Variants in BCAN observed in about 807,000 individuals in gnomAD.
The protein encoded by BCAN is brevican core protein.
Under a neutral mutation model 92.4 loss-of-function variants are expected in BCAN, and 51 were observed. The ratio of observed to expected loss-of-function variants is 0.55; its 90% CI spans 0.44 to 0.70. The LOEUF (loss-of-function observed/expected upper bound fraction) is 0.70, where lower values mean the gene tolerates loss of function less well. Among genes scored for constraint, BCAN ranks in the 30% least tolerant of loss-of-function variants. The pLI, the probability that BCAN is intolerant of heterozygous loss-of-function variation, is 0.00. For missense variants in BCAN, 1,140 were observed against 1,212.1 expected (o/e 0.94, Z 0.88); for synonymous variants, 501 against 505.2 (o/e 0.99, Z 0.11).
rs1678834580 is a variant in BCAN at position 156,642,811 on chromosome 1, GT to G, written c.-9+538del. 6.6e-6 allele frequency: 1 copy of G among 152,266 alleles called. No homozygotes were observed. The highest frequency in any genetic ancestry group is 2.4e-5 in the African/African-American group (1 of 41,452). 9.4% of individuals were successfully genotyped at this position (152,266 alleles called of 1,614,324 possible). A position where few individuals can be genotyped will look rare whatever the true frequency, so the allele number is the denominator to read the frequency against. ...CTCCTTGCTCTGTGACCTTGGGGTAGTTAGTTGACTTCTCTGAACCTCGGGT... is the reference window on the plus strand; with the variant it reads ...CTCCTTGCTCTGTGACCTTGGGGTAGTAGTTGACTTCTCTGAACCTCGGGT... On this transcript the variant is annotated intron_variant, in intron 1 of 13. Coordinates refer to ENST00000329117, the MANE Select transcript of BCAN (RefSeq NM_021948.5). The surrounding 1 kb of genome is among the most constrained non-coding windows in gnomAD (Gnocchi z 4.2).
chr1:156,645,709 G>A (rs942610133), intron 1 of BCAN, among the ~76,000 whole-genome samples: 1 of 152,144 alleles, frequency 6.6e-6, no homozygotes, highest in East Asian at 1.9e-4. Flanking sequence ...TTGTACAGGA[G>A]TTTTAAGATA....
chr1:156,653,832 C>T (rs1679254764), intron 8 of BCAN, among the ~76,000 whole-genome samples: 1 of 152,068 alleles, frequency 6.6e-6, no homozygotes, highest in Admixed American at 6.5e-5. Flanking sequence ...CCCCTGCAGC[C>T]CGGAGTGCAT....
chr1:156,647,521 C>G lies in BCAN; in HGVS notation c.480C>G (p.Leu160=). The G allele has an allele frequency of 2.6e-6, 4 of 1,568,002 alleles. No homozygotes were observed. The highest frequency in any genetic ancestry group is 2.2e-5 in the East Asian group (1 of 44,490). Residue 160 remains leucine (L), a synonymous_variant, in exon 4 of 14, where the codon CTC becomes CTG. Transcript: ENST00000329117. This position sits in a 1 kb window ranked among gnomAD's most constrained non-coding sequence, Gnocchi z 4.8. The part of the protein sequence containing the change: ...VEVKVKGVVF[L]YREGSARYAF... ...TCTGCCCCACAGGGGTCGTCTTTCT[C>G]TACCGAGAGGGCTCTGCCCGCTATG... is the stretch of plus-strand genomic sequence containing the variant.
chr1:156,658,939 T>TA lies in BCAN; in HGVS notation c.2629-87dup. Reference sequence around the variant, plus strand: ...AACATGCAGCCCCATTCTGGGCTCTTACGGGCTGAGCAAGAACATCAGAGG... The same window carrying TA: ...AACATGCAGCCCCATTCTGGGCTCTTAACGGGCTGAGCAAGAACATCAGAGG... On this transcript the variant is annotated intron_variant, in intron 13 of 13. Coordinates refer to ENST00000329117, the MANE Select transcript of BCAN (RefSeq NM_021948.5). This position sits in a 1 kb window ranked among gnomAD's most constrained non-coding sequence, Gnocchi z 4.4. The TA allele has an allele frequency of 1.4e-6, 2 of 1,383,346 alleles. No individual in the cohort carries two copies. Among genetic ancestry groups the TA allele is most frequent in the African/African-American group, 2.9e-5 (2 of 69,690 alleles). 85.7% of individuals were successfully genotyped at this position (1,383,346 alleles called of 1,614,324 possible).
Position 156,653,115 on chromosome 1 carries a change from C to T in BCAN, c.1942+223C>T, listed in dbSNP as rs569791466. The T allele has an allele frequency of 1.7e-4, 236 of 1,418,054 alleles. 3 individuals are homozygous for T. The South Asian group carries it at 2.7e-3, about 16-fold the overall frequency. The allele number at this position is 1,418,054 out of a possible 1,614,324, so 87.8% of individuals were successfully genotyped here. A position where few individuals can be genotyped will look rare whatever the true frequency, so the allele number is the denominator to read the frequency against. ...CGTCTTTACCCTGTGATCCCAGCCC[C>T]GCCACTGACCATCTGTGACCCTTCC... On this transcript the variant is annotated intron_variant, in intron 8 of 13. Transcript: ENST00000329117.
chr1:156,655,622 G>A (rs552460052), intron 8 of BCAN, among the ~76,000 whole-genome samples: 32 of 152,216 alleles, frequency 2.1e-4, no homozygotes, highest in Non-Finnish European at 4.3e-4. Context: ...AGGGCCTAGA[G>A]TGAGGAAAGT....
In BCAN at chr1:156,652,673, T is replaced by C. The variant is rs765018398; in HGVS notation, c.1723T>C (p.Ser575Pro). 15 of 1,612,938 alleles carry C rather than the reference T, an allele frequency of 9.3e-6. No individual in the cohort carries two copies. Among genetic ancestry groups the C allele is most frequent in the Middle Eastern group, 1.7e-4 (1 of 6,050 alleles). Residue 575 changes from serine (S) to proline (P), a missense_variant, in exon 8 of 14, where the codon TCT (serine) becomes CCT (proline). By Grantham distance (74) the Ser-to-Pro change is moderately conservative. This residue lies in a region of BCAN where 825 missense variants were observed against 871.8 expected (regional missense o/e 0.95). Coordinates refer to ENST00000329117, the MANE Select transcript of BCAN (RefSeq NM_021948.5). ...GGAGGCAACTGGTGGTCCTGAGCTA[T>C]CTGGGGTCCCTCGAGGAGAGAGCGA... ...VGEATGGPELSGVPRGESEET... is the reference protein window; with the variant it reads ...VGEATGGPELPGVPRGESEET...
In BCAN at chr1:156,658,073, C is replaced by T; in HGVS notation, c.2293-54C>T. 2 of 1,590,870 alleles carry T rather than the reference C, an allele frequency of 1.3e-6. No individual in the cohort carries two copies. The highest frequency in any genetic ancestry group is 1.7e-6 in the Non-Finnish European group (2 of 1,165,714). ...CCCTCCTCCCCAGATCCTCTAGGCC[C>T]TCTCCCGGTGCTCCTGGTGTAGGAG... On this transcript the variant is annotated intron_variant, in intron 11 of 13. Transcript: ENST00000329117. The surrounding 1 kb of genome is among the most constrained non-coding windows in gnomAD (Gnocchi z 4.4).
intron 8 of BCAN, chr1:156,653,254 C>T (rs1679236727): frequency 8.2e-7 from 1 of 1,213,380 alleles, no homozygotes; most frequent in Non-Finnish European, 1.0e-6. Context: ...GGCCTATTTT[C>T]CACTACTCCC....
chr1:156,658,920 C>A lies in BCAN; in HGVS notation c.2629-107C>A. 3 of 1,316,060 alleles carry A rather than the reference C, an allele frequency of 2.3e-6. No individual in the cohort carries two copies. The highest frequency in any genetic ancestry group is 1.3e-5 in the South Asian group (1 of 78,664). 81.5% of individuals were successfully genotyped at this position (1,316,060 alleles called of 1,614,324 possible). On this transcript the variant is annotated intron_variant, in intron 13 of 13. Transcript: ENST00000329117. This position sits in a 1 kb window ranked among gnomAD's most constrained non-coding sequence, Gnocchi z 4.4. The stretch of plus-strand genomic sequence containing the variant: ...TTCAGTGCTGATGTCTGATAACATG[C>A]AGCCCCATTCTGGGCTCTTACGGGC...
intron 7 of BCAN, 131 bp from the exon 8 acceptor site, chr1:156,652,117 T>G (rs1679183055): frequency 8.1e-7 from 1 of 1,238,214 alleles, no homozygotes; most frequent in South Asian, 1.6e-5. Flanking sequence ...GGACCACCTG[T>G]CCTCAGGGCG....
intron 8 of BCAN, chr1:156,653,277 T>C (rs956703694): frequency 1.4e-5 from 16 of 1,147,418 alleles, no homozygotes; most frequent in Non-Finnish European, 1.5e-5. Flanking sequence ...CATCCGCCTG[T>C]GTGCCGTCCC....
In BCAN at chr1:156,652,636, A is replaced by C. The variant is rs1679209216; in HGVS notation, c.1686A>C (p.Ala562=). 1.9e-6 allele frequency: 3 copies of C among 1,613,732 alleles called. No individual in the cohort carries two copies. In the East Asian group the frequency reaches 6.7e-5, roughly 36 times the overall value. ...ASPSPSTLVE[A]REVGEATGGP... The stretch of plus-strand genomic sequence containing the variant: ...CATCACCTTCCACTCTGGTTGAGGC[A>C]AGAGAGGTGGGGGAGGCAACTGGTG... The change falls in exon 8 of 14, where the codon GCA becomes GCC. Residue 562 remains alanine, a synonymous_variant. Coordinates refer to ENST00000329117, the MANE Select transcript of BCAN (RefSeq NM_021948.5).
In BCAN at chr1:156,656,275, C is replaced by T. The variant is rs774124321; in HGVS notation, c.1943-7C>T. On this transcript the variant is annotated splice_polypyrimidine_tract_variant and splice_region_variant and intron_variant, in intron 8 of 13. Transcript: ENST00000329117. Reference sequence around the variant, plus strand: ...CTCCCCCCGCCTCACTTCTTTCCCCCTCTCAGGTGACTGTGTCCCCAGCCC... The same window carrying T: ...CTCCCCCCGCCTCACTTCTTTCCCCTTCTCAGGTGACTGTGTCCCCAGCCC... The T allele has an allele frequency of 2.7e-6, 4 of 1,474,408 alleles. No individual in the cohort carries two copies. The highest frequency in any genetic ancestry group is 3.6e-6 in the Non-Finnish European group (4 of 1,123,184). The allele number at this position is 1,474,408 out of a possible 1,614,324, so 91.3% of individuals were successfully genotyped here. A position where few individuals can be genotyped will look rare whatever the true frequency, so the allele number is the denominator to read the frequency against.
At chr1:156,654,290 T>TG (rs926692160) in intron 8 of BCAN, among the ~76,000 whole-genome samples, 2 of 152,152 alleles carry the variant, frequency 1.3e-5, no homozygotes, top group Non-Finnish European at 2.9e-5. Flanking sequence ...CCATGTTAGA[T>TG]GGATCACATC....
chr1:156,651,310 C>T (rs551642324), intron 6 of BCAN, 146 bp from the exon 7 acceptor site: 18 of 751,118 alleles, frequency 2.4e-5, no homozygotes, highest in East Asian at 7.4e-5. Context: ...AAATGAGTGA[C>T]GAAGTTCTGG....
rs889675925 is a variant in BCAN, at chr1:156,651,764, T to G, written c.1297+75T>G. On this transcript the variant is annotated intron_variant, in intron 7 of 13. Transcript: ENST00000329117. ...GGCAGAAGAGGCAAGCCCAGGTTGA[T>G]GCTAGGGTGATGGATGACATGACTC... 2 of 1,323,058 alleles carry G rather than the reference T, an allele frequency of 1.5e-6. 1 individual carries two copies. The highest frequency in any genetic ancestry group is 2.9e-5 in the African/African-American group (2 of 68,416). 82.0% of individuals were successfully genotyped at this position (1,323,058 alleles called of 1,614,324 possible).
rs971560790 is a variant in BCAN at position 156,652,507 on chromosome 1, A to C, written c.1557A>C (p.Ala519=). ...CAAGGGCAGTCCTGCAGCCTGGTGC[A>C]TCACCACTTCCTGATGGAGAGTCAG... The part of the protein sequence containing the change: ...APARAVLQPG[A]SPLPDGESEA... Residue 519 remains alanine (A), a synonymous_variant, in exon 8 of 14, where the codon GCA becomes GCC. Coordinates refer to ENST00000329117, the MANE Select transcript of BCAN (RefSeq NM_021948.5). The C allele has an allele frequency of 2.5e-6, 4 of 1,611,052 alleles. No homozygotes were observed. Among genetic ancestry groups the C allele is most frequent in the Non-Finnish European group, 3.4e-6 (4 of 1,178,550 alleles).
chr1:156,653,349 C>T lies in BCAN; in HGVS notation c.1942+457C>T, dbSNP rs577600133. 1,038 of 1,038,700 alleles carry T rather than the reference C, an allele frequency of 1.0e-3. 1 individual carries two copies. The highest frequency in any genetic ancestry group is 3.5e-3 in the Admixed American group (68 of 19,354). 64.3% of individuals were successfully genotyped at this position (1,038,700 alleles called of 1,614,324 possible). On this transcript the variant is annotated intron_variant, in intron 8 of 13. Transcript: ENST00000329117. ...GAGTCCCTTCTCACCCCTCAACCTC[C>T]GGAGTCCAGGAGAACCCGTACCCCC... is the stretch of plus-strand genomic sequence containing the variant.
Sources: gnomAD v4.1 joint callset for allele counts (sites outside exome capture counted in the v4.1 genomes callset) on GRCh38, gnomAD v4.1.1 for gene constraint, gnomAD v4.1.1 regional missense constraint, Gnocchi (gnomAD v3.1) non-coding constraint, MANE v1.5 for transcripts, NCBI Gene and HGNC (gene_info 2026-07-23, HGNC 2026-07-21) for gene names.